WWTR1: variants seen among roughly 807,000 people sequenced by gnomAD.
WWTR1 encodes WW domain-containing transcription regulator protein 1.
WWTR1 carries 13 observed loss-of-function variants against 40.1 expected under a neutral mutation model. That is an observed-to-expected ratio of 0.32 (90% CI 0.21 to 0.52). The LOEUF (loss-of-function observed/expected upper bound fraction) is 0.52. WWTR1 is among the 20% of genes least tolerant of loss of function. The probability of loss-of-function intolerance (pLI) is 0.97; values close to 1 mark genes in which losing one functional copy is unlikely to be tolerated. For missense variants in WWTR1, 436 were observed against 523.1 expected (o/e 0.83, Z 1.63); for synonymous variants, 230 against 210.1 (o/e 1.09, Z -0.82).
intron 3 of WWTR1, among the ~76,000 whole-genome samples, chr3:149,569,358 T>C (rs1163233511): frequency 2.0e-5 from 3 of 152,250 alleles, no homozygotes; most frequent in African/African-American, 4.8e-5. Flanking sequence ...TAGCTTACTA[T>C]GTGGCAATCA....
chr3:149,521,288 G>T (rs576114081), intron 6 of WWTR1, among the ~76,000 whole-genome samples: 8 of 152,186 alleles, frequency 5.3e-5, no homozygotes, highest in Non-Finnish European at 1.2e-4. Context: ...AAAGAGTAGA[G>T]AGGCCTTGTC....
chr3:149,593,148 C>T (rs1179826094), intron 2 of WWTR1, among the ~76,000 whole-genome samples: 2 of 152,200 alleles, frequency 1.3e-5, no homozygotes, highest in Non-Finnish European at 1.5e-5. Flanking sequence ...GGCATGCTGC[C>T]ATCACTCCTG....
At chr3:149,650,564 C>T (rs1712805204) in intron 2 of WWTR1, among the ~76,000 whole-genome samples, 1 of 152,154 alleles carries the variant, frequency 6.6e-6, no homozygotes, top group African/African-American at 2.4e-5. Flanking sequence ...GATGTGCTGA[C>T]TCTCACTCTC....
At chr3:149,676,027 G>T (rs571493872) in intron 1 of WWTR1, among the ~76,000 whole-genome samples, 70 of 152,288 alleles carry the variant, frequency 4.6e-4, no homozygotes, top group Non-Finnish European at 8.4e-4. Context: ...TTTCAATGCA[G>T]AAGTTATTTG....
chr3:149,664,363 AACGTGATACTTGTGTTTTCAG>A (rs1444403361), intron 2 of WWTR1, among the ~76,000 whole-genome samples: 1 of 152,256 alleles, frequency 6.6e-6, no homozygotes, highest in African/African-American at 2.4e-5. Context: ...TGACAAATCA[AACGTGATACTTGTGTTTTCAG>A]AATTTACCAT....
chr3:149,667,868 G>A (rs1713899293), intron 2 of WWTR1, among the ~76,000 whole-genome samples: 1 of 152,064 alleles, frequency 6.6e-6, no homozygotes, highest in African/African-American at 2.4e-5. Context: ...TTCACCAGAG[G>A]GAAAAGAATC....
In WWTR1 at chr3:149,579,567, T is replaced by C. The variant is rs578171063; in HGVS notation, c.432-6567A>G. ...TGGCTCACACCTGTAATCTTAGCAC[T>C]CTGGGAGGCTGAGGCGGGAGGACTG... On this transcript the variant is annotated intron_variant, in intron 2 of 6. Transcript: ENST00000360632. Among the ~76,000 whole-genome samples, 7 of 152,110 alleles carry C rather than the reference T, an allele frequency of 4.6e-5. No homozygotes were observed. The South Asian group carries it at 1.5e-3, about 32-fold the overall frequency.
At chr3:149,700,527 A>G (rs976428757) in intron 1 of WWTR1, among the ~76,000 whole-genome samples, 3 of 152,144 alleles carry the variant, frequency 2.0e-5, no homozygotes, top group Non-Finnish European at 4.4e-5. Flanking sequence ...TATAAATTGG[A>G]GCAAATATGC....
At chr3:149,595,035 C>T (rs929130061) in intron 2 of WWTR1, among the ~76,000 whole-genome samples, 49 of 129,036 alleles carry the variant, frequency 3.8e-4, no homozygotes, top group Middle Eastern at 6.3e-3. Context: ...GATCTTGGCT[C>T]ACTGCAACCT....
rs138112182 is a variant in WWTR1, at chr3:149,672,172, A to C, written c.-107-2281T>G. ...AAACAAACAAAAAAACAACCAGTAG[A>C]ATGTGCATCAGAGGCTTTATGTGGC... On this transcript the variant is annotated intron_variant, in intron 1 of 7. Transcript: ENST00000465804. Among the ~76,000 whole-genome samples, 258 of 152,340 alleles carry C rather than the reference A, an allele frequency of 1.7e-3. 1 individual carries two copies. Among genetic ancestry groups the C allele is most frequent in the Non-Finnish European group, 2.5e-3 (173 of 68,034 alleles).
rs1039238977 is a variant in WWTR1 at position 149,517,901 on chromosome 3, G to A, written c.*2904C>T. 6.6e-6 allele frequency: 1 copy of A among 151,962 alleles called. No individual in the cohort carries two copies. The highest frequency in any genetic ancestry group is 2.4e-5 in the African/African-American group (1 of 41,366). 9.4% of individuals were successfully genotyped at this position (151,962 alleles called of 1,614,324 possible). ...ACGCCTTTTCTGTGACAAAATTTTG[G>A]GGTGAAATGATGATGTTTACTGATT... is the stretch of plus-strand genomic sequence containing the variant. On this transcript the variant is annotated 3_prime_UTR_variant, in exon 7 of 7. Coordinates refer to ENST00000360632, the MANE Select transcript of WWTR1 (RefSeq NM_015472.6).
chr3:149,539,337 T>C (rs1184572475), intron 4 of WWTR1, among the ~76,000 whole-genome samples: 2 of 152,252 alleles, frequency 1.3e-5, no homozygotes. Context: ...AATTAGGGGA[T>C]AAATTCATCT....
intron 5 of WWTR1, among the ~76,000 whole-genome samples, chr3:149,709,109 G>A (rs1171850909): frequency 6.6e-6 from 1 of 152,032 alleles, no homozygotes; most frequent in Non-Finnish European, 1.5e-5. Context: ...CTGAGTACTG[G>A]GACTATGGGC....
intron 4 of WWTR1, among the ~76,000 whole-genome samples, chr3:149,539,745 C>A (rs1735998472): frequency 6.6e-6 from 1 of 152,116 alleles, no homozygotes; most frequent in Admixed American, 6.5e-5. Flanking sequence ...CATTTCCCTG[C>A]TGCTGCCATG....
rs115748827 is a variant in WWTR1, at chr3:149,718,911, T to C, written n.460-1345A>G. Among the ~76,000 whole-genome samples, 1,422 of 152,086 alleles carry C rather than the reference T, an allele frequency of 9.3e-3. 15 individuals are homozygous for C. Among genetic ancestry groups the C allele is most frequent in the African/African-American group, 0.032 (1,339 of 41,466 alleles). On this transcript the variant is annotated intron_variant and non_coding_transcript_variant, in intron 4 of 6. Coordinates refer to the WWTR1 transcript ENST00000474080. ...TATGATCTCGGTTCAGTGCAACGTC[T>C]GCCTCCCAGGTTCAAGCGGTTCTCC...
intron 2 of WWTR1, among the ~76,000 whole-genome samples, chr3:149,592,897 C>A (rs1738799891): frequency 6.6e-6 from 1 of 152,124 alleles, no homozygotes; most frequent in South Asian, 2.1e-4. Context: ...GCTGTTCAAT[C>A]TTACTTTCTA....
chr3:149,572,789 C>T (rs1227932373), intron 3 of WWTR1, 75 bp downstream of exon 3: 1 of 1,541,560 alleles, frequency 6.5e-7, no homozygotes. Context: ...CAACACCAGC[C>T]TGGGCAACAA....
intron 1 of WWTR1, among the ~76,000 whole-genome samples, chr3:149,686,641 A>T (rs1362021744): frequency 6.6e-6 from 1 of 152,110 alleles, no homozygotes; most frequent in African/African-American, 2.4e-5. Context: ...CACACACCTA[A>T]ACCAATGCTA....
At chr3:149,572,415 G>GA (rs1737681688) in intron 3 of WWTR1, among the ~76,000 whole-genome samples, 1 of 152,218 alleles carries the variant, frequency 6.6e-6, no homozygotes, top group Admixed American at 6.5e-5. Context: ...CAGGCTAGAT[G>GA]AAGACAGGAG....
Sources: gnomAD v4.1 joint callset for allele counts (sites outside exome capture counted in the v4.1 genomes callset) on GRCh38, gnomAD v4.1.1 for gene constraint, MANE v1.5 for transcripts, NCBI Gene and HGNC (gene_info 2026-07-23, HGNC 2026-07-21) for gene names.